Variants in PIGL observed in about 807,000 individuals in gnomAD.
PIGL encodes the protein N-acetylglucosaminyl-phosphatidylinositol de-N-acetylase.
In PIGL, 22 loss-of-function variants were observed where a neutral mutation model predicts 31.1. That is an observed-to-expected ratio of 0.71 (90% CI 0.51 to 1.01). PIGL has a LOEUF of 1.01. Ranked by LOEUF, PIGL falls within the 50% of genes least tolerant of loss-of-function variation. The pLI is 0.00. For synonymous variants in PIGL, 131 were observed against 117.4 expected, an observed-to-expected ratio of 1.12 and a Z score of -0.75; for missense variants, 302 against 315.9, an observed-to-expected ratio of 0.96 and a Z score of 0.33.
intron 2 of PIGL, among the ~76,000 whole-genome samples, chr17:16,296,842 A>C (rs1479551124): frequency 2.6e-5 from 4 of 151,384 alleles, no homozygotes; most frequent in African/African-American, 7.3e-5. Context: ...TCAGCCTCCC[A>C]AGTAGCTGGG....
intron 6 of PIGL, among the ~76,000 whole-genome samples, chr17:16,324,795 T>G (rs972221797): frequency 1.3e-5 from 2 of 152,192 alleles, no homozygotes; most frequent in Non-Finnish European, 2.9e-5. Flanking sequence ...TCTAGTGAAG[T>G]CAGTTGCTGT....
chr17:16,241,113 T>TCA (rs1332663467), intron 2 of PIGL, among the ~76,000 whole-genome samples: 2 of 19,048 alleles, frequency 1.0e-4, no homozygotes, highest in Non-Finnish European at 2.1e-4. Flanking sequence ...AAACTCCCTC[T>TCA]CAAAAAAAAA....
intron 2 of PIGL, among the ~76,000 whole-genome samples, chr17:16,263,729 G>A (rs534570238): frequency 2.0e-5 from 3 of 151,114 alleles, no homozygotes; most frequent in African/African-American, 7.3e-5. Context: ...CACCATATTG[G>A]CCAGGATGGT....
chr17:16,305,744 G>T (rs774147704), intron 3 of PIGL, among the ~76,000 whole-genome samples: 1 of 152,306 alleles, frequency 6.6e-6, no homozygotes, highest in African/African-American at 2.4e-5. Flanking sequence ...GATGGCAACA[G>T]CCTGGGAGTT....
chr17:16,248,950 T>G (rs1448011623), intron 2 of PIGL, among the ~76,000 whole-genome samples: 1 of 152,182 alleles, frequency 6.6e-6, no homozygotes, highest in African/African-American at 2.4e-5. Flanking sequence ...GGCTGCCTTC[T>G]CACTGTGCCT....
chr17:16,250,488 G>A (rs529349455), intron 2 of PIGL, among the ~76,000 whole-genome samples: 1 of 152,260 alleles, frequency 6.6e-6, no homozygotes, highest in East Asian at 1.9e-4. Flanking sequence ...AACCTAACAT[G>A]AATTTGGAGG....
At chr17:16,254,705 C>T (rs1227604489) in intron 2 of PIGL, among the ~76,000 whole-genome samples, 1 of 151,702 alleles carries the variant, frequency 6.6e-6, no homozygotes, top group East Asian at 1.9e-4. Flanking sequence ...CCCAGGTTCA[C>T]GCCATTCTCC....
chr17:16,280,590 C>T (rs2092912621), intron 2 of PIGL, among the ~76,000 whole-genome samples: 1 of 152,174 alleles, frequency 6.6e-6, no homozygotes, highest in Non-Finnish European at 1.5e-5. Context: ...TATCAGCATC[C>T]CCAACCCAAA....
intron 2 of PIGL, among the ~76,000 whole-genome samples, chr17:16,292,396 T>TAA (rs60665148): frequency 6.8e-6 from 1 of 146,754 alleles, no homozygotes; most frequent in Non-Finnish European, 1.5e-5. Flanking sequence ...TCTTTCTCTT[T>TAA]AAAAAAAAAA....
intron 2 of PIGL, among the ~76,000 whole-genome samples, chr17:16,258,177 T>C (rs2092804777): frequency 6.8e-6 from 1 of 147,792 alleles, no homozygotes; most frequent in Non-Finnish European, 1.5e-5. Context: ...AAGTAGACTT[T>C]TTTTTTCTTT....
chr17:16,277,916 T>C (rs1014518801), intron 2 of PIGL, among the ~76,000 whole-genome samples: 1 of 152,214 alleles, frequency 6.6e-6, no homozygotes. Flanking sequence ...TTGGAACATA[T>C]ACCAATAACA....
chr17:16,322,105 ATTTTTT>A (rs2093108586), intron 6 of PIGL, among the ~76,000 whole-genome samples: 1 of 147,642 alleles, frequency 6.8e-6, no homozygotes, highest in African/African-American at 2.5e-5. Context: ...ATTTATTTTT[ATTTTTT>A]GAGACAGAGT....
intron 1 of PIGL, 191 bp downstream of exon 1, chr17:16,217,652 G>T: frequency 1.8e-6 from 1 of 560,716 alleles, no homozygotes; most frequent in South Asian, 2.4e-5. Context: ...GGGGACGTCG[G>T]CAGCTCGCGT....
intron 1 of PIGL, chr17:16,218,237 TTG>T (rs1197800768): frequency 6.6e-6 from 1 of 152,224 alleles, no homozygotes; most frequent in Non-Finnish European, 1.5e-5. Flanking sequence ...TCCCATTTGT[TTG>T]TGTGTCTTTC....
chr17:16,220,414 C>T (rs1186296744), intron 1 of PIGL, among the ~76,000 whole-genome samples: 2 of 150,338 alleles, frequency 1.3e-5, no homozygotes, highest in African/African-American at 4.9e-5. Flanking sequence ...TTCATTATTT[C>T]CTCTGAATCC....
chr17:16,297,145 T>C (rs1471888239), intron 2 of PIGL, among the ~76,000 whole-genome samples: 1 of 152,190 alleles, frequency 6.6e-6, no homozygotes, highest in African/African-American at 2.4e-5. Flanking sequence ...CAAGAGGAGT[T>C]TGGACTTGAT....
At chr17:16,273,719 G>A (rs1385582607) in intron 2 of PIGL, among the ~76,000 whole-genome samples, 3 of 152,010 alleles carry the variant, frequency 2.0e-5, no homozygotes, top group Admixed American at 6.6e-5. Context: ...AAAAACAAAG[G>A]GTCTCCCAGA....
chr17:16,283,648 C>G (rs184935564), intron 2 of PIGL, among the ~76,000 whole-genome samples: 81 of 152,076 alleles, frequency 5.3e-4, no homozygotes, highest in African/African-American at 1.8e-3. Context: ...GACTGAGACC[C>G]TGTCTCTTAA....
intron 1 of PIGL, 72 bp downstream of exon 1, chr17:16,217,533 G>A (rs1287248716): frequency 4.0e-6 from 5 of 1,235,352 alleles, no homozygotes; most frequent in East Asian, 2.3e-5. Flanking sequence ...GATCTCAGTC[G>A]CCTTCTTCTC....
Sources: allele counts gnomAD v4.1 joint callset (sites outside exome capture counted in the v4.1 genomes callset), GRCh38; gene constraint gnomAD v4.1.1; transcripts MANE v1.5; gene names NCBI Gene and HGNC (gene_info 2026-07-23, HGNC 2026-07-21).